ORC5: variants seen among roughly 807,000 people sequenced by gnomAD.
ORC5 encodes origin recognition complex subunit 5, also known as protein phosphatase 1, regulatory subunit 117.
ORC5 carries 39 observed loss-of-function variants against 58.8 expected under a neutral mutation model. That is an observed-to-expected ratio of 0.66 (90% CI 0.51 to 0.87). ORC5 has a LOEUF of 0.87. ORC5 is among the 40% of genes least tolerant of loss of function. The pLI is 0.00. For synonymous variants in ORC5, 218 were observed against 177.6 expected (o/e 1.23, Z -1.81); for missense variants, 493 against 506.3 (o/e 0.97, Z 0.25).
At chr7:104,128,513 T>C (rs1318559802) in intron 13 of ORC5, among the ~76,000 whole-genome samples, 3 of 152,170 alleles carry the variant, frequency 2.0e-5, no homozygotes, top group Non-Finnish European at 1.5e-5. Flanking sequence ...GACTACTTTT[T>C]TTTTTAAACT....
chr7:104,165,840 A>G, intron 10 of ORC5: 1 of 152,612 alleles, frequency 6.6e-6, no homozygotes, highest in Non-Finnish European at 1.5e-5. Context: ...CCGGAGTGGG[A>G]GGATGACTTG....
intron 11 of ORC5, among the ~76,000 whole-genome samples, chr7:104,164,990 ACTT>A (rs1470592541): frequency 2.0e-5 from 3 of 152,150 alleles, no homozygotes; most frequent in African/African-American, 4.8e-5. Flanking sequence ...TCCAGGGTAA[ACTT>A]CTTCATCTAC....
Position 104,161,165 on chromosome 7 carries a change from A to G in ORC5, c.1056T>C (p.Leu352=). ...TGTCTAGTGGAAATGGTTTTGGCCC[A>G]AGGAGATGATTGCTTGTCTGTAAAA... ...KKHEKTSNHL[L]GPKPFPLDRL... Residue 352 remains leucine (L), a synonymous_variant, in exon 12 of 14, where the codon CTT becomes CTC. Coordinates refer to ENST00000297431, the MANE Select transcript of ORC5 (RefSeq NM_002553.4). 6.2e-7 allele frequency: 1 copy of G among 1,601,396 alleles called. No individual in the cohort carries two copies. The highest frequency in any genetic ancestry group is 8.6e-7 in the Non-Finnish European group (1 of 1,169,016).
chr7:104,188,463 T>TAAAAAAA, intron 5 of ORC5, 82 bp from the exon 6 acceptor site: 1 of 988,036 alleles, frequency 1.0e-6, no homozygotes, highest in Non-Finnish European at 1.4e-6. Flanking sequence ...ACAAAGGTAT[T>TAAAAAAA]AAAAAAAAAA....
At chr7:104,188,057 C>A in intron 6 of ORC5, 194 bp downstream of exon 6, 1 of 1,001,970 alleles carries the variant, frequency 1.0e-6, no homozygotes, top group Non-Finnish European at 1.3e-6. Flanking sequence ...TGTACTAACC[C>A]ACAGACATCT....
chr7:104,202,254 C>T (rs566311108), intron 2 of ORC5: 2 of 194,902 alleles, frequency 1.0e-5, no homozygotes, highest in South Asian at 1.7e-4. Flanking sequence ...AGGAAGATAA[C>T]TTGTGGCACT....
Position 104,129,278 on chromosome 7 carries a change from G to T in ORC5, c.1263-2385C>A, listed in dbSNP as rs747291112. 6.6e-6 allele frequency among the ~76,000 whole-genome samples: 1 copy of T among 152,052 alleles called. No homozygotes were observed. The highest frequency in any genetic ancestry group is 1.5e-5 in the Non-Finnish European group (1 of 68,002). Reference sequence around the variant, plus strand: ...ACAGACTTAATAGAATGAATGGAGTGACTTAAAAACACTAAGCAACTTAAA... The same window carrying T: ...ACAGACTTAATAGAATGAATGGAGTTACTTAAAAACACTAAGCAACTTAAA... On this transcript the variant is annotated intron_variant, in intron 13 of 13. Transcript: ENST00000297431. The surrounding 1 kb of genome is among the most constrained non-coding windows in gnomAD (Gnocchi z 4.9).
At chr7:104,130,338 T>C (rs151048951) in intron 13 of ORC5, among the ~76,000 whole-genome samples, 3 of 152,284 alleles carry the variant, frequency 2.0e-5, no homozygotes, top group Non-Finnish European at 4.4e-5. Context: ...CTCTATATCC[T>C]CTATCTCTTC....
At chr7:104,132,563 A>G (rs1046313429) in intron 13 of ORC5, among the ~76,000 whole-genome samples, 1 of 152,106 alleles carries the variant, frequency 6.6e-6, no homozygotes, top group Non-Finnish European at 1.5e-5. Context: ...TGCTGTCCCC[A>G]AAAACAAATT....
rs975576412 is a variant in ORC5, at chr7:104,207,862, C to G, written c.43G>C (p.Val15Leu). The G allele has an allele frequency of 7.4e-6, 12 of 1,614,108 alleles. No individual in the cohort carries two copies. Among genetic ancestry groups the G allele is most frequent in the Non-Finnish European group, 9.3e-6 (11 of 1,180,044 alleles). ...ENVVLCRESQ[V>L]SILQSLFGER... ...CCAAACAAGGACTGCAAGATGGACA[C>G]TTGAGACTCGCGACAAAGCACCACG... The change falls in exon 1 of 14, where the codon GTG (valine) becomes CTG (leucine). Residue 15 changes from valine to leucine, a missense_variant. Physicochemically the swap from Val to Leu is conservative, Grantham distance 32 (BLOSUM62 1). This residue lies in a region of ORC5 where 412 missense variants were observed against 403.7 expected (regional missense o/e 1.02). Coordinates refer to ENST00000297431, the MANE Select transcript of ORC5 (RefSeq NM_002553.4).
intron 12 of ORC5, among the ~76,000 whole-genome samples, chr7:104,141,785 A>T (rs1798677607): frequency 1.3e-5 from 2 of 152,204 alleles, no homozygotes; most frequent in Admixed American, 1.3e-4. Flanking sequence ...TTATTTATAC[A>T]CTAACAACTA....
rs897397120 is a variant in ORC5 at position 104,138,479 on chromosome 7, G to A, written c.1150-1586C>T. 6.6e-6 allele frequency among the ~76,000 whole-genome samples: 1 copy of A among 151,848 alleles called. No individual in the cohort carries two copies. Among genetic ancestry groups the A allele is most frequent in the Non-Finnish European group, 1.5e-5 (1 of 67,958 alleles). ...AATACATCCTTCAGACCTGGGCTTA[G>A]TCTTGGTTTAAAACTTTCTTTCCTT... On this transcript the variant is annotated intron_variant, in intron 12 of 13. Coordinates refer to ENST00000297431, the MANE Select transcript of ORC5 (RefSeq NM_002553.4). This position sits in a 1 kb window ranked among gnomAD's most constrained non-coding sequence, Gnocchi z 4.7.
chr7:104,139,562 TTA>T (rs1385270856), intron 12 of ORC5, among the ~76,000 whole-genome samples: 1 of 152,090 alleles, frequency 6.6e-6, no homozygotes, highest in Non-Finnish European at 1.5e-5. Context: ...ATAGAGTATC[TTA>T]TGTAGAGAAA....
chr7:104,152,545 TCTA>T (rs1331321049), intron 12 of ORC5, among the ~76,000 whole-genome samples: 4 of 152,196 alleles, frequency 2.6e-5, no homozygotes, highest in South Asian at 2.1e-4. Context: ...ATTTAAACAA[TCTA>T]GTCATTAAGT....
intron 12 of ORC5, among the ~76,000 whole-genome samples, chr7:104,151,912 G>A (rs1763926032): frequency 1.3e-5 from 2 of 152,134 alleles, no homozygotes; most frequent in African/African-American, 4.8e-5. Flanking sequence ...GTGACCAAAG[G>A]TGAGGGAGCA....
intron 12 of ORC5, among the ~76,000 whole-genome samples, chr7:104,150,658 A>G (rs1303694567): frequency 6.6e-6 from 1 of 152,212 alleles, no homozygotes; most frequent in Admixed American, 6.5e-5. Flanking sequence ...TAATCTCTGG[A>G]ACTTTTTAGC....
chr7:104,175,114 T>G (rs1458911518), intron 8 of ORC5, among the ~76,000 whole-genome samples: 1 of 152,234 alleles, frequency 6.6e-6, no homozygotes, highest in Non-Finnish European at 1.5e-5. Flanking sequence ...AACTTGCCTG[T>G]CTCTCCTTCT....
chr7:104,196,556 A>G (rs1355922624), intron 4 of ORC5, among the ~76,000 whole-genome samples: 2 of 152,188 alleles, frequency 1.3e-5, no homozygotes, highest in African/African-American at 4.8e-5. Flanking sequence ...AAACTTCAGG[A>G]GTCAGCCTTG....
chr7:104,200,701 C>G, intron 3 of ORC5, 57 bp downstream of exon 3: 1 of 1,074,420 alleles, frequency 9.3e-7, no homozygotes. Context: ...GAAAATTGAT[C>G]TAATAAATTA....
Sources: allele counts gnomAD v4.1 joint callset (sites outside exome capture counted in the v4.1 genomes callset), GRCh38; gene constraint gnomAD v4.1.1; regional missense constraint gnomAD v4.1.1; non-coding constraint Gnocchi (gnomAD v3.1); transcripts MANE v1.5; gene names NCBI Gene and HGNC (gene_info 2026-07-23, HGNC 2026-07-21).